The following NDUFAF6 variants were observed in gnomAD, a reference collection of about 807,000 sequenced individuals.
NDUFAF6 encodes NADH:ubiquinone oxidoreductase complex assembly factor 6, also known as NADH dehydrogenase (ubiquinone) complex I, assembly factor 6.
A neutral mutation model predicts 40.8 loss-of-function variants in NDUFAF6; 45 were observed. The observed-to-expected ratio is 1.10, with a 90% CI of 0.87 to 1.42. The LOEUF (loss-of-function observed/expected upper bound fraction) is 1.42. Ranked by LOEUF, NDUFAF6 falls within the 40% of genes most tolerant of loss-of-function variation. NDUFAF6 has a pLI of 0.00. For missense variants in NDUFAF6, 435 were observed against 418.5 expected (o/e 1.04, Z -0.34); for synonymous variants, 185 against 155.9 (o/e 1.19, Z -1.39).
In NDUFAF6 at chr8:95,048,489, G is replaced by C; in HGVS notation, c.747G>C (p.Arg249Ser). 1.2e-6 allele frequency: 2 copies of C among 1,614,020 alleles called. No individual in the cohort carries two copies. Among genetic ancestry groups the C allele is most frequent in the Non-Finnish European group, 1.7e-6 (2 of 1,179,972 alleles). Reference protein sequence around the residue: ...HGVSQEDFLRRNQDKNVRDVI... With the variant: ...HGVSQEDFLRSNQDKNVRDVI... ...TTTCACAAGAGGACTTTCTACGGAG[G>C]AACCAAGATAAAAATGTGAGAGATG... Residue 249 changes from arginine to serine, a missense_variant, in exon 7 of 9, where the codon AGG becomes AGC. Coordinates refer to ENST00000396124, the MANE Select transcript of NDUFAF6 (RefSeq NM_152416.4).
downstream of NDUFAF6, among the ~76,000 whole-genome samples, chr8:95,117,650 G>T (rs1810163328): frequency 6.6e-6 from 1 of 152,208 alleles, no homozygotes; most frequent in Non-Finnish European, 1.5e-5. Context: ...CAGGAAGACT[G>T]CACTTCTTAG....
intron 2 of NDUFAF6, among the ~76,000 whole-genome samples, chr8:95,094,329 A>C (rs987701332): frequency 6.7e-6 from 1 of 149,008 alleles, no homozygotes; most frequent in African/African-American, 2.5e-5. Context: ...ACTGTGCCCA[A>C]CTATTCTATG....
intron 1 of NDUFAF6, among the ~76,000 whole-genome samples, chr8:94,915,007 A>G (rs1381748931): frequency 6.6e-6 from 1 of 152,098 alleles, no homozygotes; most frequent in Non-Finnish European, 1.5e-5. Context: ...GCTTTGATTG[A>G]ACTCATCACC....
intron 2 of NDUFAF6, among the ~76,000 whole-genome samples, chr8:94,989,714 C>G (rs1826109764): frequency 6.6e-6 from 1 of 152,094 alleles, no homozygotes; most frequent in Non-Finnish European, 1.5e-5. Context: ...ATACCTGTTC[C>G]ATTGCTAAGA....
intron 1 of NDUFAF6, among the ~76,000 whole-genome samples, chr8:94,967,478 CCAGAGATAATGA>C (rs1313158627): frequency 6.6e-6 from 1 of 152,104 alleles, no homozygotes; most frequent in Non-Finnish European, 1.5e-5. Context: ...TTTCTAGGTG[CCAGAGATAATGA>C]CAGAGATCCT....
At chr8:95,036,065 A>G (rs755507711) in intron 3 of NDUFAF6, among the ~76,000 whole-genome samples, 7 of 152,200 alleles carry the variant, frequency 4.6e-5, no homozygotes, top group Non-Finnish European at 7.3e-5. Flanking sequence ...TGCCTTGTCT[A>G]GTTTGATAGA....
At chr8:94,920,917 T>TA (rs1216433628) in intron 1 of NDUFAF6, among the ~76,000 whole-genome samples, 1 of 152,208 alleles carries the variant, frequency 6.6e-6, no homozygotes. Flanking sequence ...TCTCCACACT[T>TA]AAAGCATTCA....
chr8:95,029,658 ATCTTATCT>A (rs1828603440), intron 1 of NDUFAF6, among the ~76,000 whole-genome samples: 1 of 152,200 alleles, frequency 6.6e-6, no homozygotes, highest in Non-Finnish European at 1.5e-5. Flanking sequence ...AATTCCTCAC[ATCTTATCT>A]TTCATGAGCT....
chr8:95,053,650 G>A (rs9297952), intron 8 of NDUFAF6, among the ~76,000 whole-genome samples: 38,062 of 150,690 alleles, frequency 0.25, 6,238 homozygotes, highest in East Asian at 0.59. Flanking sequence ...TTTGGAGGCA[G>A]ATTCTCACTC....
intron 1 of NDUFAF6, among the ~76,000 whole-genome samples, chr8:95,030,123 G>A (rs1038518425): frequency 6.6e-6 from 1 of 151,848 alleles, no homozygotes; most frequent in African/African-American, 2.4e-5. Flanking sequence ...TTAGTAGTAG[G>A]CATTGTATTG....
intron 7 of NDUFAF6, among the ~76,000 whole-genome samples, chr8:95,049,606 T>C (rs1415201105): frequency 2.0e-5 from 3 of 152,192 alleles, no homozygotes; most frequent in Non-Finnish European, 4.4e-5. Context: ...TCTAAAGAGT[T>C]GGACACTTAC....
intron 6 of NDUFAF6, among the ~76,000 whole-genome samples, chr8:95,047,512 T>C (rs914627901): frequency 4.1e-5 from 6 of 147,638 alleles, no homozygotes; most frequent in Non-Finnish European, 9.0e-5. Context: ...TCTTTTCTTT[T>C]TTTTTTTTTT....
chr8:94,981,535 C>T (rs1218408930), intron 2 of NDUFAF6, among the ~76,000 whole-genome samples: 1 of 152,166 alleles, frequency 6.6e-6, no homozygotes, highest in Non-Finnish European at 1.5e-5. Context: ...AATTAAGCAA[C>T]ACATGGAAGG....
chr8:95,042,200 A>G (rs1830223452), intron 4 of NDUFAF6, among the ~76,000 whole-genome samples: 1 of 152,230 alleles, frequency 6.6e-6, no homozygotes, highest in Non-Finnish European at 1.5e-5. Context: ...AATTCTTAGA[A>G]CTGAGTTCTA....
downstream of NDUFAF6, among the ~76,000 whole-genome samples, chr8:95,080,232 G>A (rs545705753): frequency 2.0e-5 from 3 of 150,086 alleles, no homozygotes; most frequent in African/African-American, 4.9e-5. Flanking sequence ...TGTATTTTTT[G>A]TAGTGATTTT....
At chr8:95,040,837 C>G (rs933340274) in intron 3 of NDUFAF6, 33 of 152,272 alleles carry the variant, frequency 2.2e-4, no homozygotes, top group African/African-American at 7.5e-4. Context: ...TTTTGAATCT[C>G]TCCCCTGCCT....
intron 1 of NDUFAF6, chr8:94,926,734 A>G (rs940061577): frequency 2.0e-5 from 3 of 152,208 alleles, no homozygotes; most frequent in Non-Finnish European, 2.9e-5. Flanking sequence ...CACATAAAAG[A>G]TATCCTCATC....
At chr8:95,086,245 A>T (rs771187978) in intron 2 of NDUFAF6, among the ~76,000 whole-genome samples, 1 of 152,222 alleles carries the variant, frequency 6.6e-6, no homozygotes, top group East Asian at 1.9e-4. Flanking sequence ...CCTACCTTTA[A>T]TCGGGCTGTG....
chr8:95,077,819 A>T (rs957481121), downstream of NDUFAF6, among the ~76,000 whole-genome samples: 11 of 152,120 alleles, frequency 7.2e-5, no homozygotes, highest in Admixed American at 2.0e-4. Context: ...GACCAGAAGC[A>T]AGCTCTTAGG....
Sources: gnomAD v4.1 joint callset for allele counts (sites outside exome capture counted in the v4.1 genomes callset) on GRCh38, gnomAD v4.1.1 for gene constraint, MANE v1.5 for transcripts, NCBI Gene and HGNC (gene_info 2026-07-23, HGNC 2026-07-21) for gene names.